Variants in PRDM5 observed in about 807,000 individuals in gnomAD.
PRDM5 encodes PR domain zinc finger protein 5.
A neutral mutation model predicts 81.2 loss-of-function variants in PRDM5; 56 were observed. That is an observed-to-expected ratio of 0.69 (90% CI 0.56 to 0.86). The LOEUF (loss-of-function observed/expected upper bound fraction) is 0.86. PRDM5 is among the 40% of genes least tolerant of loss of function. The pLI is 0.00. For synonymous variants in PRDM5, 267 were observed against 256.4 expected (o/e 1.04, Z -0.39); for missense variants, 697 against 770.1 (o/e 0.91, Z 1.12).
chr4:120,801,179 T>A (rs1752069081), intron 8 of PRDM5, among the ~76,000 whole-genome samples: 1 of 152,146 alleles, frequency 6.6e-6, no homozygotes, highest in South Asian at 2.1e-4. Context: ...CCCAGAGAAG[T>A]AAACGCCCTT....
At chr4:120,756,740 T>A (rs74520668) in intron 13 of PRDM5, among the ~76,000 whole-genome samples, 5,347 of 152,310 alleles carry the variant, frequency 0.035, 312 homozygotes, top group African/African-American at 0.12. Flanking sequence ...AAGTCATTTT[T>A]TAGATTTTCA....
At chr4:120,747,499 A>ACATAAATAGACCACCCAAACCCTC (rs1743307087) in intron 14 of PRDM5, among the ~76,000 whole-genome samples, 2 of 152,120 alleles carry the variant, frequency 1.3e-5, no homozygotes, top group African/African-American at 4.8e-5. Flanking sequence ...TTCAAATCCT[A>ACATAAATAGACCACCCAAACCCTC]CATCAATAGA....
intron 2 of PRDM5, among the ~76,000 whole-genome samples, chr4:120,858,677 C>T (rs1437112561): frequency 6.6e-6 from 1 of 152,140 alleles, no homozygotes; most frequent in African/African-American, 2.4e-5. Context: ...TAATTGCTAT[C>T]TGGTAATCCT....
intron 14 of PRDM5, among the ~76,000 whole-genome samples, chr4:120,716,686 G>A (rs1227980029): frequency 6.6e-6 from 1 of 152,118 alleles, no homozygotes; most frequent in Admixed American, 6.6e-5. Context: ...CTCCTTGAAG[G>A]AACTTCTAAT....
chr4:120,893,403 T>C (rs1294864771), intron 2 of PRDM5, among the ~76,000 whole-genome samples: 4 of 152,180 alleles, frequency 2.6e-5, no homozygotes, highest in African/African-American at 9.7e-5. Context: ...AGCCCTTTTG[T>C]TTCCTTTCTG....
intron 14 of PRDM5, among the ~76,000 whole-genome samples, chr4:120,711,884 G>A (rs1486974600): frequency 6.6e-6 from 1 of 152,088 alleles, no homozygotes; most frequent in Non-Finnish European, 1.5e-5. Flanking sequence ...CATTCCAACA[G>A]CTTGCAAGTT....
At chr4:120,710,547 G>T in intron 14 of PRDM5, 134 bp from the exon 15 acceptor site, 1 of 751,632 alleles carries the variant, frequency 1.3e-6, no homozygotes, top group Non-Finnish European at 2.3e-6. Flanking sequence ...TGGTTTGGCT[G>T]TGCCCCACCC....
intron 12 of PRDM5, among the ~76,000 whole-genome samples, chr4:120,780,724 A>AT (rs1748914214): frequency 6.6e-6 from 1 of 152,166 alleles, no homozygotes. Flanking sequence ...GCCTATCCCA[A>AT]TAACAAAAGG....
chr4:120,811,361 C>G lies in PRDM5; in HGVS notation c.945+9G>C. ...ATATTAAACTGTGATGAATTTTTAT[C>G]TTACTGACCTTTCTATGTTCCTGTA... On this transcript the variant is annotated intron_variant, in intron 8 of 15. Coordinates refer to ENST00000264808, the MANE Select transcript of PRDM5 (RefSeq NM_018699.4). 6.4e-7 allele frequency: 1 copy of G among 1,553,342 alleles called. No individual in the cohort carries two copies. Among genetic ancestry groups the G allele is most frequent in the Non-Finnish European group, 8.9e-7 (1 of 1,129,752 alleles).
At chr4:120,779,942 T>C (rs1432508126) in intron 12 of PRDM5, among the ~76,000 whole-genome samples, 2 of 151,692 alleles carry the variant, frequency 1.3e-5, no homozygotes, top group South Asian at 2.1e-4. Flanking sequence ...ACAATATATA[T>C]ATATAATATC....
chr4:120,760,051 T>C (rs1049855225), intron 13 of PRDM5, among the ~76,000 whole-genome samples: 2 of 152,248 alleles, frequency 1.3e-5, no homozygotes, highest in African/African-American at 4.8e-5. Flanking sequence ...AAAGGATAAG[T>C]AATTTTCTCA....
chr4:120,720,278 C>T (rs1481949189), intron 14 of PRDM5, among the ~76,000 whole-genome samples: 1 of 152,172 alleles, frequency 6.6e-6, no homozygotes, highest in East Asian at 1.9e-4. Context: ...GATCAGAGGT[C>T]AGACTGATGT....
intron 15 of PRDM5, among the ~76,000 whole-genome samples, chr4:120,708,524 T>C (rs1238182767): frequency 2.0e-5 from 3 of 152,108 alleles, no homozygotes; most frequent in Non-Finnish European, 4.4e-5. Context: ...TGGAGTTTTA[T>C]TTTGTGGCAA....
chr4:120,711,731 C>T (rs1209054981), intron 14 of PRDM5, among the ~76,000 whole-genome samples: 1 of 152,002 alleles, frequency 6.6e-6, no homozygotes, highest in East Asian at 1.9e-4. Flanking sequence ...AAAGAAGTAC[C>T]TCAAAATGAA....
intron 13 of PRDM5, among the ~76,000 whole-genome samples, chr4:120,772,944 T>A (rs1747514175): frequency 6.6e-6 from 1 of 152,230 alleles, no homozygotes. Context: ...CACTGTAGCC[T>A]TCACAGCCAC....
chr4:120,775,003 C>T (rs13108879), intron 13 of PRDM5, among the ~76,000 whole-genome samples: 1 of 148,298 alleles, frequency 6.7e-6, no homozygotes. Context: ...TATATATATA[C>T]ACAAACACAT....
At chr4:120,737,323 G>C (rs958470707) in intron 14 of PRDM5, among the ~76,000 whole-genome samples, 2 of 152,140 alleles carry the variant, frequency 1.3e-5, no homozygotes, top group Non-Finnish European at 2.9e-5. Context: ...TAGACAGATA[G>C]AACTGCCTCC....
intron 7 of PRDM5, among the ~76,000 whole-genome samples, chr4:120,813,350 C>T (rs1425274014): frequency 6.6e-6 from 1 of 152,128 alleles, no homozygotes; most frequent in African/African-American, 2.4e-5. Flanking sequence ...TATCCATCAC[C>T]TGGCCCCAAC....
At position 120,773,091 on chromosome 4, in the gene PRDM5, G is replaced by A. The variant is rs188712043; in HGVS notation, c.1537+4097C>T. On this transcript the variant is annotated intron_variant, in intron 13 of 15. Transcript: ENST00000264808. Reference sequence around the variant, plus strand: ...AAATTAAGCTGAAAGCACTTGTAACGCATGCTGATGTATGAAAGTTGTCTC... The same window carrying A: ...AAATTAAGCTGAAAGCACTTGTAACACATGCTGATGTATGAAAGTTGTCTC... 1.2e-3 allele frequency among the ~76,000 whole-genome samples: 182 copies of A among 152,228 alleles called. 1 individual carries two copies. The highest frequency in any genetic ancestry group is 4.3e-3 in the African/African-American group (177 of 41,538).
Sources: allele counts gnomAD v4.1 joint callset (sites outside exome capture counted in the v4.1 genomes callset), GRCh38; gene constraint gnomAD v4.1.1; transcripts MANE v1.5; gene names NCBI Gene and HGNC (gene_info 2026-07-23, HGNC 2026-07-21).